CTNNA1: variants seen among roughly 807,000 people sequenced by gnomAD.
CTNNA1 encodes the protein catenin alpha-1.
A neutral mutation model predicts 98.4 loss-of-function variants in CTNNA1; 37 were observed. That is an observed-to-expected ratio of 0.38 (90% confidence interval 0.29 to 0.49). The LOEUF (loss-of-function observed/expected upper bound fraction) is 0.49, where lower values mean the gene tolerates loss of function less well. Ranked by LOEUF, CTNNA1 falls within the 20% of genes least tolerant of loss-of-function variation. CTNNA1 has a pLI of 0.95. For missense variants in CTNNA1, 761 were observed against 1,147.2 expected (o/e 0.66, Z 4.86); for synonymous variants, 404 against 413.2 (o/e 0.98, Z 0.27).
At chr5:138,852,341 C>G (rs1763271193) in intron 7 of CTNNA1, among the ~76,000 whole-genome samples, 1 of 151,634 alleles carries the variant, frequency 6.6e-6, no homozygotes, top group African/African-American at 2.4e-5. Flanking sequence ...AGGCTCACCT[C>G]GAGGTACTTC....
In CTNNA1 at chr5:138,810,215, A is replaced by T. The variant is rs373849684; in HGVS notation, c.468+11A>T. On this transcript the variant is annotated intron_variant, in intron 4 of 17. Transcript: ENST00000302763. ...GTTCAGCTGAAAGTTGTAAGTATACAGGCCTATGTCTGTAATTTGTTCTAT... is the reference window on the plus strand; with the variant it reads ...GTTCAGCTGAAAGTTGTAAGTATACTGGCCTATGTCTGTAATTTGTTCTAT... The T allele has an allele frequency of 6.2e-7, 1 of 1,610,934 alleles. No homozygotes were observed. The highest frequency in any genetic ancestry group is 2.2e-5 in the East Asian group (1 of 44,726).
chr5:138,913,587 A>C (rs1480482931), intron 10 of CTNNA1, among the ~76,000 whole-genome samples: 1 of 151,818 alleles, frequency 6.6e-6, no homozygotes, highest in East Asian at 1.9e-4. Flanking sequence ...CTGTCTCAAA[A>C]AAAAAAAAAA....
Position 138,931,659 on chromosome 5 carries a change from T to TG in CTNNA1, c.2298+726dup, listed in dbSNP as rs1163490033. ...CTTTCTGCAGATCTCCATAGCCACT[T>TG]GGACTACTGTGGCCGCTCCCGATTT... On this transcript the variant is annotated intron_variant, in intron 16 of 17. Coordinates refer to ENST00000302763, the MANE Select transcript of CTNNA1 (RefSeq NM_001903.5). The TG allele has an allele frequency of 3.3e-5, 33 of 985,350 alleles. No homozygotes were observed. In the African/African-American group the frequency reaches 5.4e-4, roughly 16 times the overall value. The allele number at this position is 985,350 out of a possible 1,614,324, so 61.0% of individuals were successfully genotyped here.
At chr5:138,893,759 G>A (rs1756047468) in intron 9 of CTNNA1, among the ~76,000 whole-genome samples, 3 of 151,926 alleles carry the variant, frequency 2.0e-5, no homozygotes, top group Admixed American at 2.0e-4. Context: ...GATTAGCTGG[G>A]ATTACAGACA....
At chr5:138,854,830 A>G (rs563973205) in intron 7 of CTNNA1, among the ~76,000 whole-genome samples, 1 of 152,216 alleles carries the variant, frequency 6.6e-6, no homozygotes, top group Non-Finnish European at 1.5e-5. Context: ...AGTGTACTTC[A>G]TACTCCACGG....
At chr5:138,886,648 T>G (rs1754090568) in intron 8 of CTNNA1, among the ~76,000 whole-genome samples, 1 of 152,188 alleles carries the variant, frequency 6.6e-6, no homozygotes. Context: ...GTTGTTTATC[T>G]GACTTGCCCT....
At chr5:138,886,127 GT>G in intron 7 of CTNNA1, 84 bp from the exon 8 acceptor site, 1 of 1,455,116 alleles carries the variant, frequency 6.9e-7, no homozygotes, top group Non-Finnish European at 9.3e-7. Flanking sequence ...CTTTTTCAGT[GT>G]TGACATGAGC....
chr5:138,878,604 C>G (rs574521747), intron 7 of CTNNA1, among the ~76,000 whole-genome samples: 3 of 152,282 alleles, frequency 2.0e-5, no homozygotes, highest in South Asian at 4.1e-4. Context: ...AGTGGCAGGG[C>G]TTAGATGGCT....
intron 7 of CTNNA1, chr5:138,875,397 T>C: frequency 1.0e-6 from 1 of 985,946 alleles, no homozygotes; most frequent in Non-Finnish European, 1.2e-6. Flanking sequence ...CCGGATGACG[T>C]GTCTTTTGTT....
intron 7 of CTNNA1, among the ~76,000 whole-genome samples, chr5:138,831,159 A>G (rs906107587): frequency 3.9e-5 from 6 of 152,122 alleles, no homozygotes; most frequent in African/African-American, 1.4e-4. Context: ...ATTTTTATGG[A>G]CACACATTCG....
chr5:138,810,991 GGAC>G (rs1758662089), intron 4 of CTNNA1, among the ~76,000 whole-genome samples: 1 of 149,576 alleles, frequency 6.7e-6, no homozygotes, highest in African/African-American at 2.4e-5. Context: ...CCTCCCTCCC[GGAC>G]GGGGCGGCTG....
chr5:138,858,262 C>A (rs1353632487), intron 7 of CTNNA1, among the ~76,000 whole-genome samples: 1 of 151,842 alleles, frequency 6.6e-6, no homozygotes, highest in African/African-American at 2.4e-5. Context: ...GAGTAGCTAG[C>A]AGCACGGGTA....
rs1233185882 is a variant in CTNNA1, at chr5:138,929,293, T to C, written c.1947T>C (p.Asp649=). ...CTGACTTTGAGACAGAAGATTTTGA[T>C]GTCAGAAGCAGGACGAGCGTCCAGA... ...DDSDFETEDF[D]VRSRTSVQTE... Residue 649 remains aspartate (D), a synonymous_variant, in exon 14 of 18, where the codon GAT becomes GAC. Coordinates refer to ENST00000302763, the MANE Select transcript of CTNNA1 (RefSeq NM_001903.5). 3.1e-6 allele frequency: 5 copies of C among 1,612,568 alleles called. No individual in the cohort carries two copies. The highest frequency in any genetic ancestry group is 1.7e-5 in the Admixed American group (1 of 60,036).
At chr5:138,839,846 G>A (rs763526335) in intron 7 of CTNNA1, among the ~76,000 whole-genome samples, 1 of 152,220 alleles carries the variant, frequency 6.6e-6, no homozygotes, top group Non-Finnish European at 1.5e-5. Context: ...TTACACCCAT[G>A]TTTGAACAGT....
At position 138,931,203 on chromosome 5, in the gene CTNNA1, C is replaced by T. The variant is rs529853017; in HGVS notation, c.2298+268C>T. On this transcript the variant is annotated intron_variant, in intron 16 of 17. Coordinates refer to ENST00000302763, the MANE Select transcript of CTNNA1 (RefSeq NM_001903.5). ...CCTCTCTCCCCCTCTGGGCAGGGGCCGAGAGCAGCCAGAAGCCATGTGGCC... is the reference window on the plus strand; with the variant it reads ...CCTCTCTCCCCCTCTGGGCAGGGGCTGAGAGCAGCCAGAAGCCATGTGGCC... 24 of 420,330 alleles carry T rather than the reference C, an allele frequency of 5.7e-5. No homozygotes were observed. In the East Asian group the frequency reaches 8.6e-4, roughly 15 times the overall value. 26.0% of individuals were successfully genotyped at this position (420,330 alleles called of 1,614,324 possible).
chr5:138,930,156 T>C (rs979728969), intron 14 of CTNNA1, among the ~76,000 whole-genome samples: 2 of 152,210 alleles, frequency 1.3e-5, no homozygotes, highest in African/African-American at 4.8e-5. Context: ...ACCCCTTCTC[T>C]CATTTCTTGT....
intron 7 of CTNNA1, among the ~76,000 whole-genome samples, chr5:138,835,430 A>T (rs1761686787): frequency 6.6e-6 from 1 of 152,178 alleles, no homozygotes. Flanking sequence ...TCTGCAAGAG[A>T]TGCTTACCTA....
intron 7 of CTNNA1, among the ~76,000 whole-genome samples, chr5:138,857,270 T>C (rs769714247): frequency 2.0e-5 from 3 of 152,202 alleles, no homozygotes; most frequent in African/African-American, 4.8e-5. Flanking sequence ...TGACTGCTCT[T>C]GTCAACCATG....
rs80174483 is a variant in CTNNA1, at chr5:138,915,407, T to A, written c.1390-2335T>A. Among the ~76,000 whole-genome samples, 1,228 of 152,212 alleles carry A rather than the reference T, an allele frequency of 8.1e-3. 43 individuals are homozygous for A. In the East Asian group the frequency reaches 0.14, roughly 17 times the overall value. On this transcript the variant is annotated intron_variant, in intron 10 of 17. Coordinates refer to ENST00000302763, the MANE Select transcript of CTNNA1 (RefSeq NM_001903.5). ...TCAGATCCACTAGCATGGCTAGAAT[T>A]AACCAAAAAGGGGGAAAATAACAAG...
Sources: gnomAD v4.1 joint callset for allele counts (sites outside exome capture counted in the v4.1 genomes callset) on GRCh38, gnomAD v4.1.1 for gene constraint, MANE v1.5 for transcripts, NCBI Gene and HGNC (gene_info 2026-07-23, HGNC 2026-07-21) for gene names.